SLC41A3: variants seen among roughly 807,000 people sequenced by gnomAD.
The protein encoded by SLC41A3 is solute carrier family 41 member 3.
SLC41A3 carries 44 observed loss-of-function variants against 45.4 expected under a neutral mutation model. The ratio of observed to expected loss-of-function variants is 0.97; its 90% confidence interval spans 0.76 to 1.25. The LOEUF (loss-of-function observed/expected upper bound fraction) is 1.25. SLC41A3 is among the 50% of genes most tolerant of loss of function. The pLI, the probability that SLC41A3 is intolerant of heterozygous loss-of-function variation, is 0.00. For synonymous variants in SLC41A3, 256 were observed against 252.4 expected (o/e 1.01, Z -0.13); for missense variants, 550 against 600.6 (o/e 0.92, Z 0.88).
rs534560755 is a variant in SLC41A3, at chr3:126,071,257, A to G, written c.-27-3011T>C. On this transcript the variant is annotated intron_variant, in intron 1 of 10. Transcript: ENST00000360370. ...AGATAACTGGAGTGGCTTTAATACT[A>G]TTAATAATATCAGGCAAAACAGACA... Among the ~76,000 whole-genome samples, 8 of 152,284 alleles carry G rather than the reference A, an allele frequency of 5.3e-5. 1 individual carries two copies. In the South Asian group the frequency reaches 1.7e-3, roughly 32 times the overall value.
chr3:126,057,541 C>T (rs1011310020), intron 2 of SLC41A3, among the ~76,000 whole-genome samples: 4 of 152,188 alleles, frequency 2.6e-5, no homozygotes, highest in African/African-American at 9.7e-5. Context: ...GCACTGTGGT[C>T]GGGTCTAGGC....
In SLC41A3 at chr3:126,007,265, A is replaced by T. The variant is rs1192074607; in HGVS notation, c.1255-40T>A. 1.9e-6 allele frequency: 3 copies of T among 1,600,754 alleles called. No homozygotes were observed. In the African/African-American group the frequency reaches 4.0e-5, roughly 21 times the overall value. On this transcript the variant is annotated intron_variant, in intron 10 of 10. Transcript: ENST00000360370. ...AAGAGACACAAAAGAAGACCAAGTC[A>T]GAAAGTCAAGTACAGGCAGGAAGCA...
intron 2 of SLC41A3, among the ~76,000 whole-genome samples, chr3:126,059,283 A>AAAGAAAGAAAGAGAGAGAAAG (rs1943900682): frequency 7.6e-6 from 1 of 131,674 alleles, no homozygotes; most frequent in Non-Finnish European, 1.7e-5. Flanking sequence ...AGAAAGAAAG[A>AAAGAAAGAAAGAGAGAGAAAG]AAGAAAGAAA....
At position 126,012,735 on chromosome 3, in the gene SLC41A3, G is replaced by C; in HGVS notation, c.985C>G (p.Leu329Val). ...TPVICGVGGN[L>V]VAIQTSRIST... ...ATTCGGCTGGTCTGAATGGCCACCA[G>C]ATTGCCACCAACACCTACGAGGAGA... is the stretch of plus-strand genomic sequence containing the variant. Residue 329 changes from leucine (L) to valine (V), a missense_variant, in exon 9 of 11, where the codon CTG becomes GTG. Leu to Val is a conservative substitution (Grantham distance 32). Transcript: ENST00000360370. The C allele has an allele frequency of 6.2e-7, 1 of 1,614,198 alleles. No individual in the cohort carries two copies. Among genetic ancestry groups the C allele is most frequent in the South Asian group, 1.1e-5 (1 of 91,082 alleles).
intron 9 of SLC41A3, among the ~76,000 whole-genome samples, chr3:126,011,615 A>G (rs1439638291): frequency 1.3e-5 from 2 of 152,238 alleles, no homozygotes; most frequent in Admixed American, 1.3e-4. Flanking sequence ...ATAAACCCCA[A>G]AAAGTCCATA....
chr3:126,031,390 CAAGT>C (rs1274729114), intron 4 of SLC41A3, among the ~76,000 whole-genome samples: 1 of 152,120 alleles, frequency 6.6e-6, no homozygotes, highest in Non-Finnish European at 1.5e-5. Flanking sequence ...TATAATCTTT[CAAGT>C]AAGTCAAAGG....
upstream of SLC41A3, among the ~76,000 whole-genome samples, chr3:126,087,082 C>T (rs1321150965): frequency 6.6e-6 from 1 of 151,974 alleles, no homozygotes; most frequent in Non-Finnish European, 1.5e-5. Flanking sequence ...ATGCTTATTC[C>T]TTCAGAATAC....
At chr3:126,095,650 A>G (rs1945584614) in intron 1 of SLC41A3, among the ~76,000 whole-genome samples, 1 of 152,242 alleles carries the variant, frequency 6.6e-6, no homozygotes, top group Non-Finnish European at 1.5e-5. Context: ...TAATTGAGGC[A>G]TACAGCCCTC....
chr3:126,020,547 A>C (rs1042470154), intron 6 of SLC41A3, among the ~76,000 whole-genome samples: 2 of 152,120 alleles, frequency 1.3e-5, no homozygotes, highest in Non-Finnish European at 2.9e-5. Context: ...CCAAAAACAA[A>C]ATTCGAAGCT....
intron 1 of SLC41A3, chr3:126,073,051 A>T (rs1400985324): frequency 1.3e-5 from 2 of 152,242 alleles, no homozygotes. Context: ...TATAAGTGAG[A>T]GCCAAACATT....
At chr3:126,042,670 T>G (rs971221993) in intron 3 of SLC41A3, among the ~76,000 whole-genome samples, 3 of 151,712 alleles carry the variant, frequency 2.0e-5, no homozygotes, top group Non-Finnish European at 4.4e-5. Context: ...AAAACAGATA[T>G]GAACAAGATG....
At chr3:126,020,494 T>C (rs1356267520) in intron 6 of SLC41A3, among the ~76,000 whole-genome samples, 1 of 152,152 alleles carries the variant, frequency 6.6e-6, no homozygotes, top group African/African-American at 2.4e-5. Flanking sequence ...ATTTTCCCAA[T>C]TTTCCCGCCG....
intron 1 of SLC41A3, among the ~76,000 whole-genome samples, chr3:126,078,167 G>A (rs1944969660): frequency 6.6e-6 from 1 of 152,168 alleles, no homozygotes; most frequent in Admixed American, 6.5e-5. Context: ...CACTCTCCTG[G>A]CTAGGCAAGG....
chr3:126,090,693 G>T (rs1379770851), intron 1 of SLC41A3, among the ~76,000 whole-genome samples: 1 of 152,278 alleles, frequency 6.6e-6, no homozygotes, highest in South Asian at 2.1e-4. Context: ...CCAGAGATGA[G>T]TCCCTCGTTT....
chr3:126,044,152 G>A (rs891256298), intron 3 of SLC41A3, among the ~76,000 whole-genome samples: 1 of 152,208 alleles, frequency 6.6e-6, no homozygotes, highest in Non-Finnish European at 1.5e-5. Context: ...AGGTGGCTAT[G>A]CTAATATGAG....
At position 126,006,735 on chromosome 3, in the gene SLC41A3, C is replaced by T; in HGVS notation, c.*281G>A. 2.1e-6 allele frequency: 3 copies of T among 1,446,442 alleles called. No homozygotes were observed. The highest frequency in any genetic ancestry group is 2.7e-6 in the Non-Finnish European group (3 of 1,104,166). 89.6% of individuals were successfully genotyped at this position (1,446,442 alleles called of 1,614,324 possible). On this transcript the variant is annotated 3_prime_UTR_variant, in exon 11 of 11. Coordinates refer to ENST00000360370, the MANE Select transcript of SLC41A3 (RefSeq NM_017836.4). The stretch of plus-strand genomic sequence containing the variant: ...TCTTTACCTTCTCAGGCCAGAACAC[C>T]CTCCTCTCCACAAACGTGTGCACAC...
intron 1 of SLC41A3, among the ~76,000 whole-genome samples, chr3:126,073,950 A>T (rs1380957420): frequency 6.6e-6 from 1 of 152,186 alleles, no homozygotes; most frequent in African/African-American, 2.4e-5. Context: ...CAGAATACTA[A>T]TAAACTCAAG....
chr3:126,063,740 G>A (rs968242228), intron 2 of SLC41A3, among the ~76,000 whole-genome samples: 2 of 152,204 alleles, frequency 1.3e-5, no homozygotes, highest in Non-Finnish European at 2.9e-5. Context: ...GCCGACGGTG[G>A]CCAAGGCCCT....
In SLC41A3 at chr3:126,059,001, G is replaced by A. The variant is rs190527036; in HGVS notation, c.274-7951C>T. 2.6e-3 allele frequency among the ~76,000 whole-genome samples: 398 copies of A among 151,646 alleles called. 2 individuals carry two copies. The highest frequency in any genetic ancestry group is 4.2e-3 in the Non-Finnish European group (285 of 67,918). ...TACTCTCTGAACCTTCCTGAAGACA[G>A]GTCCCACTTTTGCATAACAGAAGCA... On this transcript the variant is annotated intron_variant, in intron 2 of 10. Transcript: ENST00000360370.
Sources: gnomAD v4.1 joint callset for allele counts (sites outside exome capture counted in the v4.1 genomes callset) on GRCh38, gnomAD v4.1.1 for gene constraint, MANE v1.5 for transcripts, NCBI Gene and HGNC (gene_info 2026-07-23, HGNC 2026-07-21) for gene names.